NKAIN2: variants seen among roughly 807,000 people sequenced by gnomAD.
The protein encoded by NKAIN2 is sodium/potassium transporting ATPase interacting 2, also known as sodium/potassium-transporting ATPase subunit beta-1-interacting protein 2.
A neutral mutation model predicts 32.6 loss-of-function variants in NKAIN2; 14 were observed. The observed-to-expected ratio is 0.43, with a 90% CI of 0.28 to 0.67. The LOEUF is 0.67. Ranked by LOEUF, NKAIN2 falls within the 30% of genes least tolerant of loss-of-function variation. NKAIN2 has a pLI of 0.17. For synonymous variants in NKAIN2, 80 were observed against 87.2 expected, an observed-to-expected ratio of 0.92 and a Z score of 0.46; for missense variants, 198 against 258.3, an observed-to-expected ratio of 0.77 and a Z score of 1.60.
At chr6:124,540,365 T>C (rs1779867044) in intron 3 of NKAIN2, among the ~76,000 whole-genome samples, 1 of 152,232 alleles carries the variant, frequency 6.6e-6, no homozygotes, top group East Asian at 1.9e-4. Flanking sequence ...GTAATTTGCT[T>C]TATCTTTAAA....
At chr6:124,203,652 G>A (rs1323825197) in intron 1 of NKAIN2, among the ~76,000 whole-genome samples, 1 of 151,754 alleles carries the variant, frequency 6.6e-6, no homozygotes, top group Non-Finnish European at 1.5e-5. Flanking sequence ...TGATTCATCT[G>A]GAAATTTCCT....
chr6:124,723,147 A>G (rs1339897739), intron 4 of NKAIN2, among the ~76,000 whole-genome samples: 1 of 152,232 alleles, frequency 6.6e-6, no homozygotes, highest in Non-Finnish European at 1.5e-5. Context: ...TACAGATACC[A>G]TATAGAACAG....
intron 1 of NKAIN2, among the ~76,000 whole-genome samples, chr6:123,917,441 A>C (rs1775553042): frequency 6.6e-6 from 1 of 152,184 alleles, no homozygotes; most frequent in Non-Finnish European, 1.5e-5. Context: ...ACGTTTAGGC[A>C]AAAATGCTCA....
At chr6:124,288,215 G>A (rs1795650019) in intron 2 of NKAIN2, among the ~76,000 whole-genome samples, 1 of 152,124 alleles carries the variant, frequency 6.6e-6, no homozygotes, top group Non-Finnish European at 1.5e-5. Context: ...AAACTCATAT[G>A]GAAAGGAAAT....
chr6:124,655,993 C>T (rs1204326073), intron 3 of NKAIN2, among the ~76,000 whole-genome samples: 1 of 152,010 alleles, frequency 6.6e-6, no homozygotes, highest in Admixed American at 6.6e-5. Context: ...CTGTCCAAGC[C>T]TGGCTGCCCT....
At chr6:124,125,261 A>G (rs1482880208) in intron 1 of NKAIN2, among the ~76,000 whole-genome samples, 1 of 152,184 alleles carries the variant, frequency 6.6e-6, no homozygotes, top group Non-Finnish European at 1.5e-5. Context: ...GGGGGCTTGC[A>G]TGTATAAACA....
chr6:124,694,714 G>A (rs571061382), intron 4 of NKAIN2, among the ~76,000 whole-genome samples: 74 of 152,228 alleles, frequency 4.9e-4, no homozygotes, highest in South Asian at 1.7e-3. Context: ...GTTATTTTTG[G>A]TGCTAGAAAC....
intron 3 of NKAIN2, among the ~76,000 whole-genome samples, chr6:124,462,552 T>C (rs537163209): frequency 5.9e-5 from 9 of 152,126 alleles, no homozygotes; most frequent in Middle Eastern, 3.4e-3. Flanking sequence ...GTTACAGATA[T>C]ACAATAGGTA....
intron 1 of NKAIN2, among the ~76,000 whole-genome samples, chr6:123,837,799 C>T (rs1250921996): frequency 6.6e-6 from 1 of 152,016 alleles, no homozygotes; most frequent in African/African-American, 2.4e-5. Context: ...AGACAGTTTT[C>T]ATTTCTGTTT....
chr6:124,245,429 T>TTA (rs540539524), intron 1 of NKAIN2, among the ~76,000 whole-genome samples: 148 of 152,144 alleles, frequency 9.7e-4, no homozygotes, highest in African/African-American at 3.4e-3. Context: ...CACAGGAGTG[T>TTA]TATATATATA....
intron 2 of NKAIN2, among the ~76,000 whole-genome samples, chr6:124,340,543 C>T (rs1169143432): frequency 6.6e-6 from 1 of 152,106 alleles, no homozygotes; most frequent in East Asian, 1.9e-4. Context: ...CTCTCCCCCA[C>T]CAAGTAGACC....
intron 5 of NKAIN2, among the ~76,000 whole-genome samples, chr6:124,807,497 G>C (rs1282425088): frequency 6.6e-6 from 1 of 150,690 alleles, no homozygotes; most frequent in East Asian, 2.0e-4. Flanking sequence ...GCAGTGTGTA[G>C]AGGGAAATTT....
chr6:124,156,451 G>A (rs1003918385), intron 1 of NKAIN2, among the ~76,000 whole-genome samples: 1 of 152,146 alleles, frequency 6.6e-6, no homozygotes, highest in Non-Finnish European at 1.5e-5. Context: ...TCTGAAGCAG[G>A]AGGAGTCAGT....
chr6:124,026,644 T>C (rs923579962), intron 1 of NKAIN2, among the ~76,000 whole-genome samples: 2 of 152,220 alleles, frequency 1.3e-5, no homozygotes, highest in Non-Finnish European at 2.9e-5. Context: ...TACTGAACTA[T>C]GCAGGCATCA....
chr6:123,906,315 A>T, intron 1 of NKAIN2, among the ~76,000 whole-genome samples: 1 of 146,928 alleles, frequency 6.8e-6, no homozygotes. Flanking sequence ...TCAGGGTCTT[A>T]CTCTTTTCAC....
chr6:124,336,315 T>C (rs1047623429), intron 2 of NKAIN2, among the ~76,000 whole-genome samples: 1 of 152,134 alleles, frequency 6.6e-6, no homozygotes, highest in Non-Finnish European at 1.5e-5. Flanking sequence ...TTGCCAGTGG[T>C]TTAATTTGGG....
At chr6:124,676,846 G>A (rs139811065) in intron 4 of NKAIN2, among the ~76,000 whole-genome samples, 25 of 152,050 alleles carry the variant, frequency 1.6e-4, no homozygotes, top group African/African-American at 5.8e-4. Flanking sequence ...ATATTTGCAT[G>A]GAGTATCTTT....
intron 3 of NKAIN2, among the ~76,000 whole-genome samples, chr6:124,443,191 G>A (rs575344030): frequency 6.6e-6 from 1 of 152,114 alleles, no homozygotes; most frequent in South Asian, 2.1e-4. Context: ...TTTTTATTGG[G>A]TTTTTCTCCT....
intron 1 of NKAIN2, among the ~76,000 whole-genome samples, chr6:124,189,779 CT>C (rs1487651584): frequency 6.6e-6 from 1 of 152,120 alleles, no homozygotes; most frequent in Non-Finnish European, 1.5e-5. Flanking sequence ...CACATCTTTC[CT>C]CCTTAGTGGT....
Sources: allele counts gnomAD v4.1 joint callset (sites outside exome capture counted in the v4.1 genomes callset), GRCh38; gene constraint gnomAD v4.1.1; transcripts MANE v1.5; gene names NCBI Gene and HGNC (gene_info 2026-07-23, HGNC 2026-07-21).